DIP2A: variants seen among roughly 807,000 people sequenced by gnomAD.
DIP2A encodes the protein disco-interacting protein 2 homolog A.
DIP2A carries 85 observed loss-of-function variants against 177.4 expected under a neutral mutation model. The ratio of observed to expected loss-of-function variants is 0.48; its 90% CI spans 0.40 to 0.57. DIP2A has a LOEUF of 0.57. Ranked by LOEUF, DIP2A falls within the 20% of genes least tolerant of loss-of-function variation. DIP2A has a pLI of 0.00. For missense variants in DIP2A, 1,791 were observed against 2,100.2 expected, an observed-to-expected ratio of 0.85 and a Z score of 2.88; for synonymous variants, 886 against 881.8, an observed-to-expected ratio of 1.00 and a Z score of -0.08.
chr21:46,544,361 C>G (rs570938246), intron 18 of DIP2A, among the ~76,000 whole-genome samples: 16 of 152,130 alleles, frequency 1.1e-4, no homozygotes, highest in Non-Finnish European at 1.9e-4. Flanking sequence ...GCAGACAGGT[C>G]GTTTGTCAGT....
Position 46,551,672 on chromosome 21 carries a change from G to T in DIP2A, c.2878G>T (p.Ala960Ser), listed in dbSNP as rs574049766. The T allele has an allele frequency of 8.9e-5, 144 of 1,614,024 alleles. 1 individual carries two copies. The Admixed American group carries it at 1.5e-3, about 17-fold the overall frequency. Residue 960 changes from alanine to serine, a missense_variant, in exon 24 of 38, where the codon GCT becomes TCT. Physicochemically the swap from Ala to Ser is moderately conservative, Grantham distance 99. Coordinates refer to ENST00000417564, the MANE Select transcript of DIP2A (RefSeq NM_015151.4). ...PASMIVGNLV[A>S]GKRIAQASGR... ...CTCAATGATCGTGGGGAACCTGGTT[G>T]CTGGGAAGAGAATCGCTCAGGCTTC... is the stretch of plus-strand genomic sequence containing the variant.
chr21:46,471,728 C>A (rs1310784093), intron 1 of DIP2A, among the ~76,000 whole-genome samples: 1 of 152,186 alleles, frequency 6.6e-6, no homozygotes, highest in Non-Finnish European at 1.5e-5. Context: ...CCTTTTCACA[C>A]AGGAAATGCA....
intron 1 of DIP2A, among the ~76,000 whole-genome samples, chr21:46,480,173 G>A (rs1463961466): frequency 1.3e-5 from 2 of 152,006 alleles, no homozygotes; most frequent in African/African-American, 4.8e-5. Context: ...ATTTATAAAG[G>A]AAAGAGGTTT....
At chr21:46,483,211 A>G (rs1161568428) in intron 1 of DIP2A, among the ~76,000 whole-genome samples, 4 of 152,224 alleles carry the variant, frequency 2.6e-5, no homozygotes, top group Non-Finnish European at 5.9e-5. Flanking sequence ...ATTCGGGTCA[A>G]TTAAAAGTAC....
At chr21:46,473,601 C>T (rs1356398947) in intron 1 of DIP2A, among the ~76,000 whole-genome samples, 1 of 152,112 alleles carries the variant, frequency 6.6e-6, no homozygotes, top group Non-Finnish European at 1.5e-5. Flanking sequence ...CTGCAACCTC[C>T]GCCTCCTGGG....
At chr21:46,513,878 C>G (rs1404024459) in intron 8 of DIP2A, among the ~76,000 whole-genome samples, 1 of 152,096 alleles carries the variant, frequency 6.6e-6, no homozygotes, top group Non-Finnish European at 1.5e-5. Context: ...ATCCCAAACA[C>G]TTCTAATCTC....
chr21:46,581,322 G>T, the DIP2A span, among the ~76,000 whole-genome samples: 1 of 152,136 alleles, frequency 6.6e-6, no homozygotes. Context: ...CTGTAAACTG[G>T]TTATTCTGGT....
intron 17 of DIP2A, among the ~76,000 whole-genome samples, chr21:46,540,366 C>T (rs565277000): frequency 7.9e-4 from 121 of 152,274 alleles, no homozygotes; most frequent in South Asian, 2.1e-3. Flanking sequence ...GAGAAGCACC[C>T]GGCCTGGTGC....
At chr21:46,544,806 A>G (rs1192979802) in intron 18 of DIP2A, among the ~76,000 whole-genome samples, 1 of 152,180 alleles carries the variant, frequency 6.6e-6, no homozygotes, top group African/African-American at 2.4e-5. Context: ...GCAGCACCCC[A>G]TGTGGACCCG....
chr21:46,522,314 G>A (rs1466153638), intron 8 of DIP2A, among the ~76,000 whole-genome samples: 1 of 152,190 alleles, frequency 6.6e-6, no homozygotes, highest in Non-Finnish European at 1.5e-5. Flanking sequence ...TCCAGGAGAC[G>A]TAAGATTTTC....
chr21:46,504,737 A>C (rs989658325), intron 6 of DIP2A, among the ~76,000 whole-genome samples: 7 of 152,188 alleles, frequency 4.6e-5, no homozygotes, highest in Non-Finnish European at 1.0e-4. Flanking sequence ...AAGACTTCCA[A>C]ATTTAGATAG....
At chr21:46,554,797 C>A in intron 27 of DIP2A, 25 bp from the exon 28 acceptor site, 1 of 856,146 alleles carries the variant, frequency 1.2e-6, no homozygotes, top group South Asian at 1.4e-5. Flanking sequence ...CCCCGCCCAC[C>A]CACCCTTGGC....
intron 6 of DIP2A, among the ~76,000 whole-genome samples, chr21:46,504,745 T>C (rs1227619418): frequency 2.0e-5 from 3 of 152,180 alleles, no homozygotes; most frequent in African/African-American, 7.2e-5. Flanking sequence ...CAAATTTAGA[T>C]AGGATGCAAA....
rs375842770 is a variant in DIP2A, at chr21:46,480,063, T to A, written c.92-4694T>A. 3.4e-3 allele frequency among the ~76,000 whole-genome samples: 447 copies of A among 131,518 alleles called. 1 individual carries two copies. Among genetic ancestry groups the A allele is most frequent in the African/African-American group, 0.011 (416 of 37,576 alleles). 86.3% of individuals were successfully genotyped at this position (131,518 alleles called of 152,430 possible). On this transcript the variant is annotated intron_variant, in intron 1 of 37. Coordinates refer to ENST00000417564, the MANE Select transcript of DIP2A (RefSeq NM_015151.4). ...GAGCTTGGAGACTGCCTGTATTTTT[T>A]TTTTTTTTTGTGTGGCATCTGTTTT...
chr21:46,570,144 T>TTAC (rs1175216160), downstream of DIP2A, among the ~76,000 whole-genome samples: 1 of 152,230 alleles, frequency 6.6e-6, no homozygotes, highest in African/African-American at 2.4e-5. Context: ...AGATGCACGT[T>TTAC]TACACTGCCA....
rs113530335 is a variant in DIP2A, at chr21:46,479,229, C to A, written c.92-5528C>A. On this transcript the variant is annotated intron_variant, in intron 1 of 37. Coordinates refer to ENST00000417564, the MANE Select transcript of DIP2A (RefSeq NM_015151.4). ...GATTACTTTTTGACTTCACTTGGCC[C>A]TCAGTTCTTCACTTCTGTAATGTCT... Among the ~76,000 whole-genome samples, 725 of 152,250 alleles carry A rather than the reference C, an allele frequency of 4.8e-3. 9 individuals carry two copies. The highest frequency in any genetic ancestry group is 4.4e-3 in the Non-Finnish European group (297 of 68,022).
At chr21:46,490,470 C>A in intron 2 of DIP2A, 130 bp from the exon 3 acceptor site, 1 of 1,145,708 alleles carries the variant, frequency 8.7e-7, no homozygotes, top group Non-Finnish European at 1.2e-6. Flanking sequence ...CTATCACTGA[C>A]TTCCAGATTA....
At chr21:46,532,858 G>T (rs1218034568) in intron 10 of DIP2A, among the ~76,000 whole-genome samples, 1 of 152,144 alleles carries the variant, frequency 6.6e-6, no homozygotes, top group East Asian at 1.9e-4. Context: ...GCATGAATTT[G>T]AGAAAATCAG....
At position 46,517,057 on chromosome 21, in the gene DIP2A, T is replaced by C. The variant is rs1312684572; in HGVS notation, c.1102+5443T>C. On this transcript the variant is annotated intron_variant, in intron 8 of 37. Transcript: ENST00000417564. ...CTCTTGTCTGTGTTTTCTCTCTCTT[T>C]TTTTTTTTTTTTTTTTTTTTTTTTG... Among the ~76,000 whole-genome samples, 77 of 108,930 alleles carry C rather than the reference T, an allele frequency of 7.1e-4. 1 individual carries two copies. Among genetic ancestry groups the C allele is most frequent in the Admixed American group, 1.8e-3 (21 of 11,520 alleles). 71.5% of individuals were successfully genotyped at this position (108,930 alleles called of 152,430 possible).
Sources: allele counts gnomAD v4.1 joint callset (sites outside exome capture counted in the v4.1 genomes callset), GRCh38; gene constraint gnomAD v4.1.1; transcripts MANE v1.5; gene names NCBI Gene and HGNC (gene_info 2026-07-23, HGNC 2026-07-21).